Variants in AGAP1 observed in about 807,000 individuals in gnomAD.
The protein encoded by AGAP1 is arf-GAP with GTPase, ANK repeat and PH domain-containing protein 1.
AGAP1 carries 29 observed loss-of-function variants against 105.3 expected under a neutral mutation model. The ratio of observed to expected loss-of-function variants is 0.28; its 90% CI spans 0.21 to 0.38. AGAP1 has a LOEUF of 0.38. AGAP1 is among the 10% of genes least tolerant of loss of function. The pLI, the probability that AGAP1 is intolerant of heterozygous loss-of-function variation, is 1.00. For missense variants in AGAP1, 998 were observed against 1,165.1 expected (o/e 0.86, Z 2.09); for synonymous variants, 509 against 485.9 (o/e 1.05, Z -0.63).
chr2:235,896,401 G>T (rs2050808986), intron 10 of AGAP1, among the ~76,000 whole-genome samples: 1 of 152,190 alleles, frequency 6.6e-6, no homozygotes, highest in Admixed American at 6.5e-5. Flanking sequence ...AGGAATGTGA[G>T]CATACAGATA....
At chr2:236,098,765 C>T (rs940775644) in intron 16 of AGAP1, among the ~76,000 whole-genome samples, 9 of 151,620 alleles carry the variant, frequency 5.9e-5, no homozygotes, top group African/African-American at 1.7e-4. Flanking sequence ...GCTGGGACTA[C>T]AGGCGTGCAC....
rs142571741 is a variant in AGAP1 at position 235,920,370 on chromosome 2, C to T, written c.1325-10395C>T. Reference sequence around the variant, plus strand: ...GATGGGAGGGAAGGGATGACTCTGGCGCTCCAGCTCACTGTCACCTGCTGT... The same window carrying T: ...GATGGGAGGGAAGGGATGACTCTGGTGCTCCAGCTCACTGTCACCTGCTGT... On this transcript the variant is annotated intron_variant, in intron 11 of 17. Coordinates refer to ENST00000304032, the MANE Select transcript of AGAP1 (RefSeq NM_001037131.3). Among the ~76,000 whole-genome samples, 411 of 152,312 alleles carry T rather than the reference C, an allele frequency of 2.7e-3. 1 individual carries two copies. The highest frequency in any genetic ancestry group is 8.3e-3 in the African/African-American group (346 of 41,576).
chr2:235,670,532 C>A, intron 1 of AGAP1: 2 of 482,038 alleles, frequency 4.1e-6, no homozygotes, highest in South Asian at 3.2e-5. Context: ...GGAGGGGGCC[C>A]GGGCCGCGCC....
At position 235,877,637 on chromosome 2, in the gene AGAP1, G is replaced by A. The variant is rs2049810749; in HGVS notation, c.1051-5708G>A. Among the ~76,000 whole-genome samples the A allele has an allele frequency of 6.6e-6, 1 of 152,160 alleles. No homozygotes were observed. Among genetic ancestry groups the A allele is most frequent in the Non-Finnish European group, 1.5e-5 (1 of 68,020 alleles). ...AGTCGGAGATGCCAACTCGGGCAGT[G>A]GAATCCAGTGGTGGTTTTGGATCAC... On this transcript the variant is annotated intron_variant, in intron 9 of 17. Transcript: ENST00000304032. The surrounding 1 kb of genome is among the most constrained non-coding windows in gnomAD (Gnocchi z 4.3).
chr2:236,107,919 G>A (rs560586348), intron 16 of AGAP1, among the ~76,000 whole-genome samples: 1 of 152,162 alleles, frequency 6.6e-6, no homozygotes, highest in Non-Finnish European at 1.5e-5. Flanking sequence ...CTGTTCCTCT[G>A]CGCTCATAAA....
intron 1 of AGAP1, among the ~76,000 whole-genome samples, chr2:235,706,690 C>A (rs974692160): frequency 1.3e-5 from 2 of 152,162 alleles, no homozygotes; most frequent in African/African-American, 4.8e-5. Flanking sequence ...TTTTACTATT[C>A]CATGATGTGG....
At position 235,872,765 on chromosome 2, in the gene AGAP1, CCT is replaced by C. The variant is rs1289647689; in HGVS notation, c.1051-10579_1051-10578del. Among the ~76,000 whole-genome samples, 2 of 152,206 alleles carry C rather than the reference CCT, an allele frequency of 1.3e-5. No homozygotes were observed. The highest frequency in any genetic ancestry group is 2.4e-5 in the African/African-American group (1 of 41,454). ...CCTCCCTAAGGAAAGCGACGGGCCC[CCT>C]GTCTTCCCCGATTGGTTTCCATTTA... On this transcript the variant is annotated intron_variant, in intron 9 of 17. Coordinates refer to ENST00000304032, the MANE Select transcript of AGAP1 (RefSeq NM_001037131.3). The surrounding 1 kb of genome is among the most constrained non-coding windows in gnomAD (Gnocchi z 4.5).
rs546967233 is a variant in AGAP1 at position 235,889,277 on chromosome 2, T to C, written c.1155+5828T>C. 6.6e-6 allele frequency among the ~76,000 whole-genome samples: 1 copy of C among 152,248 alleles called. No individual in the cohort carries two copies. Among genetic ancestry groups the C allele is most frequent in the East Asian group, 1.9e-4 (1 of 5,172 alleles). ...GGCTTCAGAACAAAGCAGCCAGTCA[T>C]GAAACTGGGGAAACCTGACATTGCA... On this transcript the variant is annotated intron_variant, in intron 10 of 17. Coordinates refer to ENST00000304032, the MANE Select transcript of AGAP1 (RefSeq NM_001037131.3). This position sits in a 1 kb window ranked among gnomAD's most constrained non-coding sequence, Gnocchi z 4.6.
At position 235,788,155 on chromosome 2, in the gene AGAP1, A is replaced by G. The variant is rs1288441804; in HGVS notation, c.674-9604A>G. Reference sequence around the variant, plus strand: ...AGGTTTTGAAAGGACATGATCATACACAGTACTTAGCTCAAGTGCACAGAG... The same window carrying G: ...AGGTTTTGAAAGGACATGATCATACGCAGTACTTAGCTCAAGTGCACAGAG... On this transcript the variant is annotated intron_variant, in intron 6 of 17. Transcript: ENST00000304032. This position sits in a 1 kb window ranked among gnomAD's most constrained non-coding sequence, Gnocchi z 6.0. Among the ~76,000 whole-genome samples, 1 of 152,140 alleles carries G rather than the reference A, an allele frequency of 6.6e-6. No individual in the cohort carries two copies. The highest frequency in any genetic ancestry group is 1.5e-5 in the Non-Finnish European group (1 of 68,024).
rs962644278 is a variant in AGAP1, at chr2:235,930,700, TA to T, written c.1325-63del. ...GTGCCAGCGTGTGGGTCCCATAGACTAACTCGCGCTGGTTTCTGTGGTCTGC... is the reference window on the plus strand; with the variant it reads ...GTGCCAGCGTGTGGGTCCCATAGACTACTCGCGCTGGTTTCTGTGGTCTGC... On this transcript the variant is annotated intron_variant, in intron 11 of 17. Transcript: ENST00000304032. The surrounding 1 kb of genome is among the most constrained non-coding windows in gnomAD (Gnocchi z 7.9). 3.2e-5 allele frequency: 49 copies of T among 1,531,796 alleles called. No individual in the cohort carries two copies. In the Admixed American group the frequency reaches 8.5e-4, roughly 26 times the overall value. The allele number at this position is 1,531,796 out of a possible 1,614,324, so 94.9% of individuals were successfully genotyped here.
intron 15 of AGAP1, among the ~76,000 whole-genome samples, chr2:236,047,794 G>T (rs144554761): frequency 0.025 from 3,748 of 151,206 alleles, 135 homozygotes; most frequent in African/African-American, 0.085. Flanking sequence ...TAGAGACAGG[G>T]TTTCACCATG....
chr2:235,826,428 CTT>C (rs72198637), intron 9 of AGAP1, among the ~76,000 whole-genome samples: 1,619 of 151,788 alleles, frequency 0.011, 27 homozygotes, highest in Middle Eastern at 0.041. Flanking sequence ...TTTCACATAT[CTT>C]TTTTTTTCTT....
intron 1 of AGAP1, among the ~76,000 whole-genome samples, chr2:235,630,698 C>G (rs1946799601): frequency 6.6e-6 from 1 of 152,226 alleles, no homozygotes; most frequent in Non-Finnish European, 1.5e-5. Flanking sequence ...GTTAATTGGT[C>G]CTGCTCCTTC....
chr2:235,667,621 G>A (rs1487710075), intron 1 of AGAP1, among the ~76,000 whole-genome samples: 3 of 152,020 alleles, frequency 2.0e-5, no homozygotes, highest in Admixed American at 6.5e-5. Context: ...GATGAATCCC[G>A]CCTGGCTGCT....
chr2:236,040,158 A>G lies in AGAP1; in HGVS notation c.1801-593A>G, dbSNP rs2057503105. Among the ~76,000 whole-genome samples, 5 of 152,152 alleles carry G rather than the reference A, an allele frequency of 3.3e-5. No individual in the cohort carries two copies. ...ATAAATAAAAATAAAGCAAGCCATCAAGTGTAAGGTTAAGAATCAGCACTC... is the reference window on the plus strand; with the variant it reads ...ATAAATAAAAATAAAGCAAGCCATCGAGTGTAAGGTTAAGAATCAGCACTC... On this transcript the variant is annotated intron_variant, in intron 14 of 17. Coordinates refer to ENST00000304032, the MANE Select transcript of AGAP1 (RefSeq NM_001037131.3). This position sits in a 1 kb window ranked among gnomAD's most constrained non-coding sequence, Gnocchi z 5.6.
At chr2:235,508,292 C>T (rs937176195) in intron 1 of AGAP1, among the ~76,000 whole-genome samples, 8 of 152,134 alleles carry the variant, frequency 5.3e-5, no homozygotes, top group Non-Finnish European at 8.8e-5. Flanking sequence ...CAATTATATT[C>T]CTTCAGGTGT....
chr2:235,990,026 C>T (rs1424524903), intron 13 of AGAP1, among the ~76,000 whole-genome samples: 2 of 152,068 alleles, frequency 1.3e-5, no homozygotes, highest in Admixed American at 1.3e-4. Flanking sequence ...GATTCAGACT[C>T]ATAAAAATGT....
At chr2:236,010,528 C>A (rs2056474629) in intron 13 of AGAP1, among the ~76,000 whole-genome samples, 1 of 152,138 alleles carries the variant, frequency 6.6e-6, no homozygotes, top group Admixed American at 6.5e-5. Flanking sequence ...CACATGAGAC[C>A]CTCATGAGTG....
rs1038807781 is a variant in AGAP1 at position 235,960,565 on chromosome 2, C to T, written c.1484-7897C>T. 2.6e-5 allele frequency among the ~76,000 whole-genome samples: 4 copies of T among 152,164 alleles called. No individual in the cohort carries two copies. Among genetic ancestry groups the T allele is most frequent in the African/African-American group, 9.7e-5 (4 of 41,446 alleles). ...CCTCACTTCTCCCTGCACCTGTGGC[C>T]CCTGCTATCGGCGTGCTTACTGGAG... On this transcript the variant is annotated intron_variant, in intron 12 of 17. Coordinates refer to ENST00000304032, the MANE Select transcript of AGAP1 (RefSeq NM_001037131.3). The surrounding 1 kb of genome is among the most constrained non-coding windows in gnomAD (Gnocchi z 4.9).
Sources: allele counts gnomAD v4.1 joint callset (sites outside exome capture counted in the v4.1 genomes callset), GRCh38; gene constraint gnomAD v4.1.1; non-coding constraint Gnocchi (gnomAD v3.1); transcripts MANE v1.5; gene names NCBI Gene and HGNC (gene_info 2026-07-23, HGNC 2026-07-21).